RNF214: variants seen among roughly 807,000 people sequenced by gnomAD.
The protein encoded by RNF214 is ring finger protein 214.
A neutral mutation model predicts 75.9 loss-of-function variants in RNF214; 25 were observed. The observed-to-expected ratio is 0.33, with a 90% CI of 0.24 to 0.46. The LOEUF (loss-of-function observed/expected upper bound fraction) is 0.46, where lower values mean the gene tolerates loss of function less well. Among genes scored for constraint, RNF214 ranks in the 20% least tolerant of loss-of-function variants. RNF214 has a pLI of 1.00. For synonymous variants in RNF214, 314 were observed against 308.8 expected (o/e 1.02, Z -0.18); for missense variants, 725 against 857.5 (o/e 0.85, Z 1.93).
intron 6 of RNF214, among the ~76,000 whole-genome samples, chr11:117,271,430 A>AG (rs2033907983): frequency 6.6e-6 from 1 of 152,196 alleles, no homozygotes; most frequent in African/African-American, 2.4e-5. Context: ...GAGCAATTGT[A>AG]GGGCTGCTTT....
intron 5 of RNF214, 118 bp from the exon 6 acceptor site, chr11:117,246,691 A>T: frequency 9.4e-7 from 1 of 1,067,740 alleles, no homozygotes; most frequent in South Asian, 2.6e-5. Context: ...TTTCAATTCA[A>T]TTTGAATTCA....
chr11:117,271,383 T>C (rs1195244591), intron 6 of RNF214, among the ~76,000 whole-genome samples: 1 of 152,226 alleles, frequency 6.6e-6, no homozygotes, highest in African/African-American at 2.4e-5. Flanking sequence ...GCCGTCCCTG[T>C]GCTGCAGACT....
intron 5 of RNF214, among the ~76,000 whole-genome samples, chr11:117,245,332 A>C (rs1438873105): frequency 1.3e-5 from 2 of 150,470 alleles, no homozygotes; most frequent in Admixed American, 1.3e-4. Flanking sequence ...AAAAGTATTA[A>C]TACTCATAGA....
chr11:117,255,090 ACTC>A (rs1319156662), intron 6 of RNF214, among the ~76,000 whole-genome samples: 1 of 151,042 alleles, frequency 6.6e-6, no homozygotes, highest in Non-Finnish European at 1.5e-5. Context: ...CTAGTCTTGA[ACTC>A]CTCTTCCTCA....
At chr11:117,237,429 CAA>C (rs1286189560) in intron 2 of RNF214, among the ~76,000 whole-genome samples, 1 of 152,080 alleles carries the variant, frequency 6.6e-6, no homozygotes, top group African/African-American at 2.4e-5. Flanking sequence ...ACTGAGGAAA[CAA>C]AGACGCATCA....
At chr11:117,242,117 T>C (rs181457405) in intron 4 of RNF214, among the ~76,000 whole-genome samples, 3 of 152,344 alleles carry the variant, frequency 2.0e-5, no homozygotes, top group African/African-American at 7.2e-5. Context: ...TTTGTTAAAA[T>C]GCTCCCTTTG....
In RNF214 at chr11:117,285,209, C is replaced by T; in HGVS notation, c.*58C>T. The T allele has an allele frequency of 1.7e-6, 2 of 1,181,894 alleles. No homozygotes were observed. The highest frequency in any genetic ancestry group is 2.5e-6 in the Non-Finnish European group (2 of 788,392). 73.2% of individuals were successfully genotyped at this position (1,181,894 alleles called of 1,614,324 possible). ...CTGATGTGAACAGGAAGCGCGGGTT[C>T]AAGATTTCTAAAACTCTATATTTAT... On this transcript the variant is annotated 3_prime_UTR_variant, in exon 15 of 15. Transcript: ENST00000300650.
chr11:117,238,725 G>A lies in RNF214; in HGVS notation c.232G>A (p.Ala78Thr), dbSNP rs1460324073. 3 of 1,614,178 alleles carry A rather than the reference G, an allele frequency of 1.9e-6. No individual in the cohort carries two copies. Among genetic ancestry groups the A allele is most frequent in the Admixed American group, 3.3e-5 (2 of 60,010 alleles). Reference sequence around the variant, plus strand: ...CTCAGAGCAGAATCCTGGTTCATCAGCAGGTGACACCTCAGCAGCGCACCA... The same window carrying A: ...CTCAGAGCAGAATCCTGGTTCATCAACAGGTGACACCTCAGCAGCGCACCA... Reference protein sequence around the residue: ...EHSEQNPGSSAGDTSAAHQVV... With the variant: ...EHSEQNPGSSTGDTSAAHQVV... The change falls in exon 3 of 15, where the codon GCA (alanine) becomes ACA (threonine). Residue 78 changes from alanine (A) to threonine (T), a missense_variant. By Grantham distance (58) the Ala-to-Thr change is moderately conservative. Around this residue, in one of 2 missense-constraint regions of RNF214, gnomAD observed 362 missense variants for 344.5 expected, o/e 1.05. Transcript: ENST00000300650.
chr11:117,244,685 A>T, intron 5 of RNF214, 100 bp downstream of exon 5: 1 of 924,306 alleles, frequency 1.1e-6, no homozygotes, highest in Non-Finnish European at 1.5e-6. Context: ...TTTATTTTTG[A>T]GACAGAGTCT....
chr11:117,256,547 G>C (rs1365843792), intron 6 of RNF214, among the ~76,000 whole-genome samples: 1 of 152,158 alleles, frequency 6.6e-6, no homozygotes, highest in Non-Finnish European at 1.5e-5. Context: ...GGGATGCCAT[G>C]CTTTTCTCAT....
intron 6 of RNF214, among the ~76,000 whole-genome samples, chr11:117,273,360 T>TTTATTATTA (rs57646164): frequency 6.6e-6 from 1 of 150,958 alleles, no homozygotes; most frequent in Non-Finnish European, 1.5e-5. Context: ...TCAAATTTGT[T>TTTATTATTA]TTATTATTAT....
chr11:117,256,578 C>G (rs928372863), intron 6 of RNF214, among the ~76,000 whole-genome samples: 1 of 152,140 alleles, frequency 6.6e-6, no homozygotes, highest in Non-Finnish European at 1.5e-5. Context: ...GCCATATAGT[C>G]TCGGGGCTTT....
chr11:117,237,338 C>T (rs2032936875), intron 2 of RNF214, among the ~76,000 whole-genome samples: 1 of 152,244 alleles, frequency 6.6e-6, no homozygotes, highest in African/African-American at 2.4e-5. Context: ...GCCTTGACCT[C>T]CCAAAGTGTT....
chr11:117,258,701 C>T (rs951407341), intron 6 of RNF214, among the ~76,000 whole-genome samples: 19 of 152,004 alleles, frequency 1.2e-4, no homozygotes, highest in African/African-American at 4.3e-4. Flanking sequence ...ATTCAGACCC[C>T]ATCAAGATAT....
chr11:117,233,108 T>G (rs1186712242), intron 1 of RNF214, among the ~76,000 whole-genome samples: 1 of 152,162 alleles, frequency 6.6e-6, no homozygotes, highest in Non-Finnish European at 1.5e-5. Context: ...CGCCCCGGGT[T>G]GCGGAGTTCT....
intron 6 of RNF214, among the ~76,000 whole-genome samples, chr11:117,277,726 C>T (rs1404534977): frequency 1.3e-5 from 2 of 152,208 alleles, no homozygotes; most frequent in African/African-American, 4.8e-5. Context: ...AATCCCAGCA[C>T]TTTGGGAGGC....
At chr11:117,251,758 A>G (rs182173454) in intron 6 of RNF214, among the ~76,000 whole-genome samples, 158 of 152,312 alleles carry the variant, frequency 1.0e-3, no homozygotes, top group African/African-American at 3.7e-3. Flanking sequence ...CAGATCAGAA[A>G]GGCTTTTATA....
chr11:117,280,091 A>C (rs2034096442), intron 7 of RNF214, 80 bp from the exon 8 acceptor site: 1 of 1,482,454 alleles, frequency 6.7e-7, no homozygotes, highest in Non-Finnish European at 9.4e-7. Flanking sequence ...GAGAGCCAGT[A>C]AGCATTTGTT....
chr11:117,281,812 T>G (rs890502086), intron 10 of RNF214, 82 bp from the exon 11 acceptor site: 43 of 1,534,060 alleles, frequency 2.8e-5, no homozygotes, highest in Non-Finnish European at 2.9e-5. Context: ...AGTGCAAGAG[T>G]TGTTCATTGA....
Sources: allele counts gnomAD v4.1 joint callset (sites outside exome capture counted in the v4.1 genomes callset), GRCh38; gene constraint gnomAD v4.1.1; regional missense constraint gnomAD v4.1.1; transcripts MANE v1.5; gene names NCBI Gene and HGNC (gene_info 2026-07-23, HGNC 2026-07-21).